The following CGNL1 variants were observed in gnomAD, a reference collection of about 807,000 sequenced individuals.
The protein encoded by CGNL1 is cingulin-like protein 1.
Under a neutral mutation model 141.2 loss-of-function variants are expected in CGNL1, and 132 were observed. The observed-to-expected ratio is 0.93, with a 90% CI of 0.81 to 1.08. The LOEUF is 1.08. Among genes scored for constraint, CGNL1 ranks in the 50% least tolerant of loss-of-function variants. The probability of loss-of-function intolerance (pLI) is 0.00; values close to 1 mark genes in which losing one functional copy is unlikely to be tolerated. For synonymous variants in CGNL1, 690 were observed against 622.1 expected (o/e 1.11, Z -1.63); for missense variants, 1,870 against 1,588.6 (o/e 1.18, Z -3.01).
rs1165866900 is a variant in CGNL1 at position 57,405,815 on chromosome 15, T to TTTCC, written c.-16+29251_-16+29252insCTTC. On this transcript the variant is annotated intron_variant, in intron 1 of 18. Coordinates refer to ENST00000281282, the MANE Select transcript of CGNL1 (RefSeq NM_032866.5). ...CTTTCTTTCTTTCTTTCTTTCCTTCTTTCTTTCTTTCTTTTTCTTTCTTTT... is the reference window on the plus strand; with the variant it reads ...CTTTCTTTCTTTCTTTCTTTCCTTCTTTCCTTCTTTCTTTCTTTTTCTTTCTTTT... 1.8e-3 allele frequency among the ~76,000 whole-genome samples: 215 copies of TTTCC among 121,694 alleles called. 1 individual carries two copies. The highest frequency in any genetic ancestry group is 7.0e-3 in the African/African-American group (204 of 29,086). The allele number at this position is 121,694 out of a possible 152,430, so 79.8% of individuals were successfully genotyped here.
intron 4 of CGNL1, among the ~76,000 whole-genome samples, chr15:57,446,452 A>C (rs2063252678): frequency 6.6e-6 from 1 of 152,110 alleles, no homozygotes; most frequent in Non-Finnish European, 1.5e-5. Flanking sequence ...TTTTACATAC[A>C]TAAAATTTTA....
chr15:57,438,939 C>G lies in CGNL1; in HGVS notation c.940C>G (p.Leu314Val). ...AGCCAACTCTTTGTACAGGTTTTTACTGGATGATCAGGAATGTGCCATCCA... is the reference window on the plus strand; with the variant it reads ...AGCCAACTCTTTGTACAGGTTTTTAGTGGATGATCAGGAATGTGCCATCCA... ...TSANSLYRFL[L>V]DDQECAIHAD... Residue 314 changes from leucine (L) to valine (V), a missense_variant, in exon 2 of 19, where the codon CTG becomes GTG. Transcript: ENST00000281282. 1 of 1,614,228 alleles carries G rather than the reference C, an allele frequency of 6.2e-7. No individual in the cohort carries two copies. The highest frequency in any genetic ancestry group is 8.5e-7 in the Non-Finnish European group (1 of 1,180,044).
intron 8 of CGNL1, among the ~76,000 whole-genome samples, chr15:57,464,775 A>G (rs1595732011): frequency 8.7e-6 from 1 of 114,654 alleles, no homozygotes; most frequent in African/African-American, 3.4e-5. Flanking sequence ...TTTGAGATGG[A>G]GTCTTGCTCT....
intron 9 of CGNL1, among the ~76,000 whole-genome samples, chr15:57,518,168 G>A (rs755178789): frequency 2.0e-5 from 3 of 151,962 alleles, no homozygotes; most frequent in Admixed American, 6.6e-5. Flanking sequence ...AAAATCACCC[G>A]AGATAATGTG....
At chr15:57,533,514 GTTTTGCCAGCGCT>G (rs2032078230) in intron 14 of CGNL1, among the ~76,000 whole-genome samples, 1 of 152,230 alleles carries the variant, frequency 6.6e-6, no homozygotes, top group Non-Finnish European at 1.5e-5. Context: ...CCATGGATTT[GTTTTGCCAGCGCT>G]TCTTGTGGCT....
At chr15:57,527,135 G>A (rs545257289) in intron 12 of CGNL1, 1 of 152,238 alleles carries the variant, frequency 6.6e-6, no homozygotes, top group South Asian at 2.1e-4. Context: ...TTTCCATGGG[G>A]TGATTTTCAT....
chr15:57,473,949 G>T (rs2063618024), intron 8 of CGNL1, among the ~76,000 whole-genome samples: 1 of 120,826 alleles, frequency 8.3e-6, no homozygotes, highest in Admixed American at 1.1e-4. Context: ...TCACTCTGTT[G>T]CCCAGGCTGG....
Position 57,461,827 on chromosome 15 carries a change from A to G in CGNL1, c.2338A>G (p.Lys780Glu). 6.2e-7 allele frequency: 1 copy of G among 1,614,088 alleles called. No individual in the cohort carries two copies. Among genetic ancestry groups the G allele is most frequent in the Non-Finnish European group, 8.5e-7 (1 of 1,179,996 alleles). Residue 780 changes from lysine to glutamate, a missense_variant, in exon 8 of 19, where the codon AAG becomes GAG. Transcript: ENST00000281282. ...EVSSHDQEMDKLKEQYDAELQ... is the reference protein window; with the variant it reads ...EVSSHDQEMDELKEQYDAELQ... ...TTCCAGCCATGATCAGGAGATGGACAAGCTGAAGGAGCAATATGATGCTGA... is the reference window on the plus strand; with the variant it reads ...TTCCAGCCATGATCAGGAGATGGACGAGCTGAAGGAGCAATATGATGCTGA...
chr15:57,472,284 C>G (rs1484664553), intron 8 of CGNL1, among the ~76,000 whole-genome samples: 1 of 151,976 alleles, frequency 6.6e-6, no homozygotes, highest in Non-Finnish European at 1.5e-5. Context: ...GTGGTTTGTT[C>G]AAGCTGTTAA....
intron 3 of CGNL1, among the ~76,000 whole-genome samples, 178 bp downstream of exon 3, chr15:57,440,649 G>A (rs2063175441): frequency 6.6e-6 from 1 of 152,046 alleles, no homozygotes; most frequent in Non-Finnish European, 1.5e-5. Flanking sequence ...TATGGGGTGG[G>A]GGCTTTGGGA....
intron 1 of CGNL1, among the ~76,000 whole-genome samples, chr15:57,417,346 G>T (rs1223593255): frequency 2.6e-5 from 4 of 152,136 alleles, no homozygotes; most frequent in African/African-American, 9.7e-5. Context: ...CAATTCTCAT[G>T]CCTCAGCCTC....
At chr15:57,504,125 A>C (rs1179433114) in intron 8 of CGNL1, among the ~76,000 whole-genome samples, 1 of 152,152 alleles carries the variant, frequency 6.6e-6, no homozygotes, top group African/African-American at 2.4e-5. Context: ...GGTGATGATG[A>C]TGATAATGAT....
chr15:57,395,444 AC>A (rs1295983585), intron 1 of CGNL1, among the ~76,000 whole-genome samples: 1 of 152,202 alleles, frequency 6.6e-6, no homozygotes, highest in Admixed American at 6.5e-5. Flanking sequence ...CTAGTGATTC[AC>A]CCTTCTTGAA....
intron 1 of CGNL1, among the ~76,000 whole-genome samples, chr15:57,381,941 GAA>G (rs1284239078): frequency 6.6e-6 from 1 of 152,214 alleles, no homozygotes; most frequent in Non-Finnish European, 1.5e-5. Flanking sequence ...AGGCTGTGCA[GAA>G]AGTCTCTGAA....
At chr15:57,468,132 G>A (rs1488563825) in intron 8 of CGNL1, among the ~76,000 whole-genome samples, 1 of 152,056 alleles carries the variant, frequency 6.6e-6, no homozygotes, top group African/African-American at 2.4e-5. Flanking sequence ...TTAAAGCTGG[G>A]TAATGGGTAG....
chr15:57,468,559 C>CGTGTGTGTGTGTGT (rs67758921), intron 8 of CGNL1, among the ~76,000 whole-genome samples: 2 of 145,850 alleles, frequency 1.4e-5, no homozygotes, highest in African/African-American at 5.1e-5. Flanking sequence ...AAAAAGTTTG[C>CGTGTGTGTGTGTGT]GTGTGTGTGT....
At position 57,440,482 on chromosome 15, in the gene CGNL1, T is replaced by G. The variant is rs1378596924; in HGVS notation, c.1697+11T>G. The stretch of plus-strand genomic sequence containing the variant: ...TTACCTCAAAGAAGGGTTAGTGATT[T>G]TCCCTCTGAAAGAGCAAAGTATTGT... On this transcript the variant is annotated intron_variant, in intron 3 of 18. Coordinates refer to ENST00000281282, the MANE Select transcript of CGNL1 (RefSeq NM_032866.5). 2.6e-6 allele frequency: 4 copies of G among 1,561,438 alleles called. No individual in the cohort carries two copies. In the African/African-American group the frequency reaches 5.4e-5, roughly 21 times the overall value.
intron 8 of CGNL1, among the ~76,000 whole-genome samples, chr15:57,503,204 G>T (rs2064050613): frequency 6.6e-6 from 1 of 152,194 alleles, no homozygotes; most frequent in Non-Finnish European, 1.5e-5. Context: ...CAATAGTTAG[G>T]TCAGTAGGAG....
In CGNL1 at chr15:57,439,591, C is replaced by T. The variant is rs1179229613; in HGVS notation, c.1592C>T (p.Ser531Leu). Residue 531 changes from serine (S) to leucine (L), a missense_variant, in exon 2 of 19, where the codon TCA (serine) becomes TTA (leucine). Ser to Leu is a moderately radical substitution (Grantham distance 145, BLOSUM62 -2). Coordinates refer to ENST00000281282, the MANE Select transcript of CGNL1 (RefSeq NM_032866.5). ...KISVKTFPSA[S>L]NTQATPDLLK... ...TCCGTGAAGACATTTCCTTCGGCCT[C>T]AAATACTCAGGTAACACTAGTGCGA... The T allele has an allele frequency of 6.2e-7, 1 of 1,613,008 alleles. No homozygotes were observed. Among genetic ancestry groups the T allele is most frequent in the Admixed American group, 1.7e-5 (1 of 59,998 alleles).
Sources: gnomAD v4.1 joint callset for allele counts (sites outside exome capture counted in the v4.1 genomes callset) on GRCh38, gnomAD v4.1.1 for gene constraint, MANE v1.5 for transcripts, NCBI Gene and HGNC (gene_info 2026-07-23, HGNC 2026-07-21) for gene names.